The following ELAPOR2 variants were observed in gnomAD, a reference collection of about 807,000 sequenced individuals.
ELAPOR2 encodes the protein endosome-lysosome associated apoptosis and autophagy regulator family member 2, also known as endosome/lysosome-associated apoptosis and autophagy regulator family member 2.
Under a neutral mutation model 120.7 loss-of-function variants are expected in ELAPOR2, and 89 were observed. The observed-to-expected ratio is 0.74, with a 90% CI of 0.62 to 0.88. ELAPOR2 has a LOEUF of 0.88. ELAPOR2 is among the 40% of genes least tolerant of loss of function. ELAPOR2 has a pLI of 0.00. For synonymous variants in ELAPOR2, 444 were observed against 444.9 expected (o/e 1.00, Z 0.03); for missense variants, 1,134 against 1,251.6 (o/e 0.91, Z 1.42).
chr7:87,053,891 A>G (rs191168411), intron 1 of ELAPOR2, among the ~76,000 whole-genome samples: 353 of 152,188 alleles, frequency 2.3e-3, no homozygotes, highest in African/African-American at 8.2e-3. Flanking sequence ...CCAGCCCCTA[A>G]CTAGGATGGC....
intron 2 of ELAPOR2, among the ~76,000 whole-genome samples, chr7:86,964,700 C>A (rs970050510): frequency 1.3e-5 from 2 of 152,124 alleles, no homozygotes; most frequent in African/African-American, 4.8e-5. Context: ...TAATAACATT[C>A]TTTAATATTG....
intron 8 of ELAPOR2, among the ~76,000 whole-genome samples, chr7:86,934,948 C>A (rs938998460): frequency 6.6e-6 from 1 of 151,958 alleles, no homozygotes; most frequent in Admixed American, 6.6e-5. Context: ...ATTTTACTTC[C>A]TATTTCTCTA....
chr7:86,897,231 A>T (rs1252539782), intron 19 of ELAPOR2, among the ~76,000 whole-genome samples: 1 of 152,098 alleles, frequency 6.6e-6, no homozygotes, highest in African/African-American at 2.4e-5. Flanking sequence ...TGTAAATCAC[A>T]TCTTGGTTTA....
intron 1 of ELAPOR2, among the ~76,000 whole-genome samples, chr7:87,056,193 C>G (rs574965310): frequency 6.6e-6 from 1 of 152,302 alleles, no homozygotes; most frequent in African/African-American, 2.4e-5. Flanking sequence ...CCCAAAATAT[C>G]AGGATCTAGC....
intron 1 of ELAPOR2, among the ~76,000 whole-genome samples, chr7:87,033,332 A>T (rs537658225): frequency 2.2e-4 from 33 of 152,352 alleles, no homozygotes; most frequent in African/African-American, 7.7e-4. Flanking sequence ...TTATCAAAAA[A>T]ATCGAAGATA....
chr7:86,961,351 A>G (rs189724297), intron 2 of ELAPOR2, among the ~76,000 whole-genome samples: 4 of 152,350 alleles, frequency 2.6e-5, no homozygotes, highest in Admixed American at 2.0e-4. Flanking sequence ...TTATGGACTC[A>G]GATATATTTT....
At position 86,942,095 on chromosome 7, in the gene ELAPOR2, CA is replaced by C; in HGVS notation, c.663del (p.Asn221LysfsTer15). 1 of 1,543,528 alleles carries C rather than the reference CA, an allele frequency of 6.5e-7. No homozygotes were observed. Among genetic ancestry groups the C allele is most frequent in the Non-Finnish European group, 8.8e-7 (1 of 1,139,948 alleles). ...NNIFFEFFIQ[N>X]DQCQEMDTTT... The stretch of plus-strand genomic sequence containing the variant: ...GTGGTGTCCATCTCCTGGCACTGAT[CA>C]TTTTGAATCTGTGGATTAAACACAA... On this transcript the variant is annotated frameshift_variant, in exon 5 of 22. Coordinates refer to ENST00000450689, the MANE Select transcript of ELAPOR2 (RefSeq NM_001142749.3). LOFTEE classifies it high-confidence loss of function.
intron 2 of ELAPOR2, among the ~76,000 whole-genome samples, chr7:86,954,508 A>T (rs959948895): frequency 1.3e-5 from 2 of 152,134 alleles, no homozygotes; most frequent in African/African-American, 4.8e-5. Flanking sequence ...GTGAACAGCA[A>T]TAGTAAGTAA....
At chr7:87,029,594 A>C (rs1794362329) in intron 1 of ELAPOR2, among the ~76,000 whole-genome samples, 1 of 152,234 alleles carries the variant, frequency 6.6e-6, no homozygotes, top group Admixed American at 6.5e-5. Flanking sequence ...TCATTTAAAC[A>C]AAGGTTGTAG....
In ELAPOR2 at chr7:86,926,914, T is replaced by C; in HGVS notation, c.1092A>G (p.Thr364=). 1 of 1,307,124 alleles carries C rather than the reference T, an allele frequency of 7.7e-7. No individual in the cohort carries two copies. Among genetic ancestry groups the C allele is most frequent in the Non-Finnish European group, 9.7e-7 (1 of 1,030,842 alleles). 81.0% of individuals were successfully genotyped at this position (1,307,124 alleles called of 1,614,324 possible). A position where few individuals can be genotyped will look rare whatever the true frequency, so the allele number is the denominator to read the frequency against. ...IHTPCDEEGK[T]QIMYKWIEPK... is the part of the protein sequence containing the mutation. Reference sequence around the variant, plus strand: ...GCTCTATCCACTTGTACATTATCTGTGTCTACAAAAAAAAAAAAAAAAAAA... The same window carrying C: ...GCTCTATCCACTTGTACATTATCTGCGTCTACAAAAAAAAAAAAAAAAAAA... The change falls in exon 9 of 22, where the codon ACA becomes ACG. Residue 364 remains threonine, a splice_region_variant and synonymous_variant. Coordinates refer to ENST00000450689, the MANE Select transcript of ELAPOR2 (RefSeq NM_001142749.3).
intron 1 of ELAPOR2, among the ~76,000 whole-genome samples, chr7:87,029,533 A>G (rs996506524): frequency 6.6e-6 from 1 of 152,204 alleles, no homozygotes; most frequent in African/African-American, 2.4e-5. Flanking sequence ...AGCCATAAAT[A>G]TTATTTTGGA....
chr7:87,049,327 G>A (rs1040143583), intron 1 of ELAPOR2, among the ~76,000 whole-genome samples: 29 of 152,018 alleles, frequency 1.9e-4, no homozygotes, highest in African/African-American at 6.3e-4. Context: ...TGTCGCCCAG[G>A]CTGGAGTGCA....
chr7:86,929,595 G>C (rs189442411), intron 8 of ELAPOR2, among the ~76,000 whole-genome samples: 3 of 152,062 alleles, frequency 2.0e-5, no homozygotes, highest in Non-Finnish European at 4.4e-5. Flanking sequence ...TAAGTAGGTC[G>C]TCAGCCTGCC....
chr7:86,995,846 T>C (rs1480778945), intron 1 of ELAPOR2, among the ~76,000 whole-genome samples: 4 of 152,220 alleles, frequency 2.6e-5, no homozygotes, highest in African/African-American at 7.2e-5. Context: ...CTAGTTAAAA[T>C]TCACTGAGTA....
At chr7:87,001,789 G>A (rs1793327893) in intron 1 of ELAPOR2, among the ~76,000 whole-genome samples, 2 of 152,108 alleles carry the variant, frequency 1.3e-5, no homozygotes, top group Non-Finnish European at 2.9e-5. Flanking sequence ...TCAAAAAGAA[G>A]AAATGTATAG....
intron 1 of ELAPOR2, among the ~76,000 whole-genome samples, chr7:87,003,997 C>G (rs1349882155): frequency 1.3e-5 from 2 of 152,030 alleles, no homozygotes; most frequent in African/African-American, 4.8e-5. Context: ...CCCAGGCTTC[C>G]CTTTTTGCTG....
chr7:86,978,474 C>G (rs971498345), intron 1 of ELAPOR2, among the ~76,000 whole-genome samples: 12 of 152,098 alleles, frequency 7.9e-5, no homozygotes, highest in Non-Finnish European at 1.6e-4. Context: ...AATTATAAAG[C>G]CTATTTGCCT....
At chr7:87,004,627 A>G (rs1247239578) in intron 1 of ELAPOR2, among the ~76,000 whole-genome samples, 1 of 152,090 alleles carries the variant, frequency 6.6e-6, no homozygotes, top group African/African-American at 2.4e-5. Flanking sequence ...TGGATTAGAG[A>G]TAACAGCCAA....
At chr7:87,003,292 G>A (rs1461026555) in intron 1 of ELAPOR2, among the ~76,000 whole-genome samples, 1 of 152,036 alleles carries the variant, frequency 6.6e-6, no homozygotes, top group Non-Finnish European at 1.5e-5. Flanking sequence ...CCTTTCCTTG[G>A]ATCTGAGAGC....
Sources: allele counts gnomAD v4.1 joint callset (sites outside exome capture counted in the v4.1 genomes callset), GRCh38; gene constraint gnomAD v4.1.1; transcripts MANE v1.5; gene names NCBI Gene and HGNC (gene_info 2026-07-23, HGNC 2026-07-21).